NIPBL: variants seen among roughly 807,000 people sequenced by gnomAD.
NIPBL encodes the protein NIPBL cohesin loading factor, also known as nipped-B-like protein.
Under a neutral mutation model 321.8 loss-of-function variants are expected in NIPBL, and 19 were observed. That is an observed-to-expected ratio of 0.06 (90% CI 0.04 to 0.09). The LOEUF (loss-of-function observed/expected upper bound fraction) is 0.09, where lower values mean the gene tolerates loss of function less well. Ranked by LOEUF, NIPBL falls within the 10% of genes least tolerant of loss-of-function variation. NIPBL has a pLI of 1.00. For synonymous variants in NIPBL, 1,106 were observed against 1,114.1 expected, an observed-to-expected ratio of 0.99 and a Z score of 0.14; for missense variants, 2,210 against 3,327.0, an observed-to-expected ratio of 0.66 and a Z score of 8.26.
chr5:36,943,145 G>A (rs558630326), intron 1 of NIPBL, among the ~76,000 whole-genome samples: 18 of 152,172 alleles, frequency 1.2e-4, no homozygotes, highest in African/African-American at 4.3e-4. Context: ...TGTGAATACG[G>A]AAGGCCAACT....
intron 1 of NIPBL, among the ~76,000 whole-genome samples, chr5:36,917,432 G>A (rs949864065): frequency 6.6e-6 from 1 of 152,092 alleles, no homozygotes; most frequent in Non-Finnish European, 1.5e-5. Context: ...CTCCCATTCT[G>A]TAGGTTGCCT....
At chr5:36,935,987 T>C (rs1439986919) in intron 1 of NIPBL, among the ~76,000 whole-genome samples, 1 of 152,160 alleles carries the variant, frequency 6.6e-6, no homozygotes, top group Non-Finnish European at 1.5e-5. Context: ...AGATCCTTTA[T>C]TACATTGGCA....
At chr5:36,966,511 A>G (rs552935349) in intron 6 of NIPBL, among the ~76,000 whole-genome samples, 31 of 152,210 alleles carry the variant, frequency 2.0e-4, no homozygotes, top group African/African-American at 7.2e-4. Context: ...TTAGGTGGTG[A>G]ACCTCTCTTT....
In NIPBL at chr5:36,996,269, A is replaced by G. The variant is rs1181865992; in HGVS notation, c.3304+465A>G. 6.6e-6 allele frequency among the ~76,000 whole-genome samples: 1 copy of G among 152,208 alleles called. No homozygotes were observed. Among genetic ancestry groups the G allele is most frequent in the Non-Finnish European group, 1.5e-5 (1 of 68,038 alleles). On this transcript the variant is annotated intron_variant, in intron 11 of 46. Coordinates refer to ENST00000282516, the MANE Select transcript of NIPBL (RefSeq NM_133433.4). This position sits in a 1 kb window ranked among gnomAD's most constrained non-coding sequence, Gnocchi z 5.0. The stretch of plus-strand genomic sequence containing the variant: ...CAAAATCAGAGTGGGGGCTCAGGGA[A>G]TGCTTACTGGAAGAGGTGACACTTG...
intron 4 of NIPBL, among the ~76,000 whole-genome samples, chr5:36,959,480 A>AATCT: frequency 6.6e-6 from 1 of 152,236 alleles, no homozygotes; most frequent in Non-Finnish European, 1.5e-5. Flanking sequence ...TGACTTCACC[A>AATCT]GAACTAATAA....
At chr5:37,038,474 AATTC>A in intron 33 of NIPBL, 124 bp from the exon 34 acceptor site, 2 of 685,824 alleles carry the variant, frequency 2.9e-6, no homozygotes, top group Non-Finnish European at 4.9e-6. Context: ...AAGAACTACT[AATTC>A]ATTATATTGA....
chr5:36,933,395 C>G (rs1359594111), intron 1 of NIPBL, among the ~76,000 whole-genome samples: 1 of 151,904 alleles, frequency 6.6e-6, no homozygotes, highest in Non-Finnish European at 1.5e-5. Flanking sequence ...GGAAATAATA[C>G]TTGATATGTT....
rs941863147 is a variant in NIPBL, at chr5:36,876,988, GGGAGAA to G, written c.-265_-260del. 5.8e-5 allele frequency: 23 copies of G among 393,582 alleles called. No individual in the cohort carries two copies. Among genetic ancestry groups the G allele is most frequent in the African/African-American group, 3.9e-4 (19 of 48,340 alleles). The allele number at this position is 393,582 out of a possible 1,614,324, so 24.4% of individuals were successfully genotyped here. A position where few individuals can be genotyped will look rare whatever the true frequency, so the allele number is the denominator to read the frequency against. ...CGGGTGTTTGTGAGTGTTTCTATGT[GGGAGAA>G]GGAGGAGGAGGAGGAAGAAGAAGCA... On this transcript the variant is annotated 5_prime_UTR_variant, in exon 1 of 47. Transcript: ENST00000282516.
intron 40 of NIPBL, chr5:37,051,026 C>T (rs1753485876): frequency 6.6e-6 from 1 of 152,254 alleles, no homozygotes; most frequent in African/African-American, 2.4e-5. Flanking sequence ...GGGGTTTTAC[C>T]ATGTTGGCCA....
chr5:36,973,851 C>T (rs1052177944), intron 8 of NIPBL, among the ~76,000 whole-genome samples: 6 of 152,108 alleles, frequency 3.9e-5, no homozygotes, highest in African/African-American at 1.4e-4. Flanking sequence ...CTCCAACAGG[C>T]CCTGGTGTGT....
chr5:37,039,083 T>C (rs1752039322), intron 34 of NIPBL, among the ~76,000 whole-genome samples: 1 of 151,882 alleles, frequency 6.6e-6, no homozygotes, highest in Non-Finnish European at 1.5e-5. Flanking sequence ...TCATTTATAA[T>C]ATAATAAATA....
In NIPBL at chr5:36,996,666, C is replaced by T; in HGVS notation, c.3304+862C>T. On this transcript the variant is annotated intron_variant, in intron 11 of 46. Coordinates refer to ENST00000282516, the MANE Select transcript of NIPBL (RefSeq NM_133433.4). This position sits in a 1 kb window ranked among gnomAD's most constrained non-coding sequence, Gnocchi z 5.0. ...GGTCAGCAACCTTGTTTGACTTAAA[C>T]GGCATTCAGTGGAAACAGACTATGG... The T allele has an allele frequency of 2.7e-6, 1 of 370,400 alleles. No individual in the cohort carries two copies. Among genetic ancestry groups the T allele is most frequent in the Non-Finnish European group, 5.3e-6 (1 of 187,436 alleles). 22.9% of individuals were successfully genotyped at this position (370,400 alleles called of 1,614,324 possible).
intron 21 of NIPBL, among the ~76,000 whole-genome samples, chr5:37,011,727 A>T (rs1748148920): frequency 6.6e-6 from 1 of 151,930 alleles, no homozygotes; most frequent in African/African-American, 2.4e-5. Context: ...TGTAAATTTG[A>T]TATACAATTA....
chr5:37,033,639 A>G (rs1751322422), intron 32 of NIPBL, among the ~76,000 whole-genome samples: 1 of 148,408 alleles, frequency 6.7e-6, no homozygotes, highest in Admixed American at 6.8e-5. Flanking sequence ...TTTAGAAAAT[A>G]TAGGAGAAAA....
chr5:36,885,123 GAA>G, intron 1 of NIPBL: 2 of 377,220 alleles, frequency 5.3e-6, no homozygotes. Context: ...TAAATAATGA[GAA>G]ATACGTTACA....
intron 16 of NIPBL, 101 bp from the exon 17 acceptor site, chr5:37,006,256 A>G: frequency 2.7e-6 from 2 of 738,142 alleles, no homozygotes; most frequent in South Asian, 1.5e-5. Flanking sequence ...AACACACATC[A>G]TAACACTTTT....
chr5:36,939,964 A>G (rs915513064), intron 1 of NIPBL, among the ~76,000 whole-genome samples: 1 of 152,214 alleles, frequency 6.6e-6, no homozygotes, highest in South Asian at 2.1e-4. Context: ...GTCAAACCAT[A>G]GCACGAATAA....
intron 1 of NIPBL, among the ~76,000 whole-genome samples, chr5:36,879,961 G>T (rs527945807): frequency 1.1e-4 from 17 of 151,894 alleles, no homozygotes; most frequent in Non-Finnish European, 2.1e-4. Flanking sequence ...GAACATTTTT[G>T]AACCTGTTCT....
At chr5:36,936,695 A>G (rs376464204) in intron 1 of NIPBL, among the ~76,000 whole-genome samples, 1 of 152,088 alleles carries the variant, frequency 6.6e-6, no homozygotes, top group African/African-American at 2.4e-5. Flanking sequence ...TTTCATGACT[A>G]CTTTCAAGTT....
Sources: gnomAD v4.1 joint callset for allele counts (sites outside exome capture counted in the v4.1 genomes callset) on GRCh38, gnomAD v4.1.1 for gene constraint, Gnocchi (gnomAD v3.1) non-coding constraint, MANE v1.5 for transcripts, NCBI Gene and HGNC (gene_info 2026-07-23, HGNC 2026-07-21) for gene names.